Variants in COL9A3 observed in about 807,000 individuals in gnomAD.
COL9A3 encodes the protein collagen type IX alpha 3 chain.
A neutral mutation model predicts 110.2 loss-of-function variants in COL9A3; 82 were observed. The ratio of observed to expected loss-of-function variants is 0.74; its 90% CI spans 0.62 to 0.89. The LOEUF (loss-of-function observed/expected upper bound fraction) is 0.89, where lower values mean the gene tolerates loss of function less well. COL9A3 is among the 40% of genes least tolerant of loss of function. The pLI is 0.00. For missense variants in COL9A3, 1,066 were observed against 981.3 expected (o/e 1.09, Z -1.15); for synonymous variants, 494 against 403.8 (o/e 1.22, Z -2.68).
chr20:62,818,987 C>A (rs1275590168), intron 3 of COL9A3, among the ~76,000 whole-genome samples: 1 of 152,204 alleles, frequency 6.6e-6, no homozygotes. Context: ...GAAGGTCTTA[C>A]AGATGCCACT....
rs535230112 is a variant in COL9A3, at chr20:62,837,128, C to T, written c.1649C>T (p.Pro550Leu). 3.8e-5 allele frequency: 61 copies of T among 1,613,490 alleles called. No homozygotes were observed. In the East Asian group the frequency reaches 1.4e-3, roughly 36 times the overall value. Residue 550 changes from proline (P) to leucine (L), a missense_variant, in exon 30 of 32, where the codon CCC becomes CTC. Physicochemically the swap from Pro to Leu is moderately conservative, Grantham distance 98 (BLOSUM62 -3). Transcript: ENST00000649368. ...LAAHLRKPLA[P>L]GSIGRPGPAG... The stretch of plus-strand genomic sequence containing the variant: ...GCGCACCTAAGGAAGCCTTTGGCAC[C>T]CGGGTCCATTGGTCGGCCCGGTCCA...
At chr20:62,821,410 G>A (rs2063511971) in intron 6 of COL9A3, 97 bp from the exon 7 acceptor site, 5 of 1,533,298 alleles carry the variant, frequency 3.3e-6, no homozygotes, top group East Asian at 4.5e-5. Context: ...CCCTGGAACC[G>A]CCCTTTCCCC....
chr20:62,834,336 C>T (rs2063619101), intron 26 of COL9A3, among the ~76,000 whole-genome samples: 1 of 152,188 alleles, frequency 6.6e-6, no homozygotes. Flanking sequence ...CTGAAGAAAA[C>T]TCCACTTCCA....
chr20:62,830,659 T>TCCCTACCACA (rs1568759180), intron 24 of COL9A3, 71 bp downstream of exon 24: 1 of 285,098 alleles, frequency 3.5e-6, no homozygotes, highest in African/African-American at 1.1e-4. Context: ...CCCACCCCCA[T>TCCCTACCACA]GACAGTCCCC....
At chr20:62,821,381 G>A in intron 6 of COL9A3, 126 bp from the exon 7 acceptor site, 4 of 1,412,726 alleles carry the variant, frequency 2.8e-6, no homozygotes, top group Non-Finnish European at 4.0e-6. Flanking sequence ...CCCTCTCTGG[G>A]CTGGGACCAG....
chr20:62,829,748 T>A lies in COL9A3; in HGVS notation c.1108-18T>A, dbSNP rs2063581306. The A allele has an allele frequency of 1.3e-6, 2 of 1,591,914 alleles. No homozygotes were observed. The highest frequency in any genetic ancestry group is 1.7e-6 in the Non-Finnish European group (2 of 1,169,716). On this transcript the variant is annotated intron_variant, in intron 21 of 31. Coordinates refer to ENST00000649368, the MANE Select transcript of COL9A3 (RefSeq NM_001853.4). ...GTGTGCAGACCCTGCCCTGACACCCTCCTTCCTTTCCCTGTAGGGAGATGC... is the reference window on the plus strand; with the variant it reads ...GTGTGCAGACCCTGCCCTGACACCCACCTTCCTTTCCCTGTAGGGAGATGC...
intron 5 of COL9A3, 63 bp downstream of exon 5, chr20:62,820,045 G>C: frequency 6.4e-7 from 1 of 1,556,442 alleles, no homozygotes; most frequent in Non-Finnish European, 8.8e-7. Context: ...GCCACCTCTG[G>C]CTGCTCTGTG....
chr20:62,827,740 G>A (rs2063565322), intron 16 of COL9A3, among the ~76,000 whole-genome samples, 183 bp from the exon 17 acceptor site: 1 of 152,242 alleles, frequency 6.6e-6, no homozygotes, highest in Non-Finnish European at 1.5e-5. Flanking sequence ...GTGCCGTCCT[G>A]CAGCATCTGT....
intron 15 of COL9A3, 56 bp downstream of exon 15, chr20:62,826,876 C>T: frequency 3.2e-6 from 5 of 1,574,980 alleles, no homozygotes; most frequent in Non-Finnish European, 2.6e-6. Context: ...TCCCCTTTCC[C>T]TCTGCTCCTC....
intron 26 of COL9A3, among the ~76,000 whole-genome samples, chr20:62,834,806 C>G (rs1463064706): frequency 1.3e-5 from 2 of 152,110 alleles, no homozygotes; most frequent in Non-Finnish European, 2.9e-5. Flanking sequence ...TCACACCCGG[C>G]TAATTTTTGT....
upstream of COL9A3, chr20:62,816,427 C>T (rs1478999951): frequency 6.6e-6 from 1 of 152,280 alleles, no homozygotes; most frequent in Non-Finnish European, 1.5e-5. Flanking sequence ...GGTTTGGAGT[C>T]TGGTCTTAGC....
At chr20:62,820,775 G>A (rs772194773) in intron 5 of COL9A3, among the ~76,000 whole-genome samples, 5 of 152,130 alleles carry the variant, frequency 3.3e-5, no homozygotes, top group Non-Finnish European at 7.4e-5. Flanking sequence ...GGCCAGACAG[G>A]GCCCAGAGGG....
At chr20:62,829,552 G>A in intron 20 of COL9A3, 53 bp downstream of exon 20, 1 of 1,551,964 alleles carries the variant, frequency 6.4e-7, no homozygotes, top group South Asian at 1.1e-5. Context: ...GGGCCGGGAG[G>A]CAAGGGGCTG....
Position 62,840,962 on chromosome 20 carries a change from A to G in COL9A3, c.*230A>G, listed in dbSNP as rs1257900479. ...TAAACCTGTAAGCCCAGCATTTGAG[A>G]GAAGGTAGGGTGTGTATATATAAAA... On this transcript the variant is annotated 3_prime_UTR_variant, in exon 32 of 32. Coordinates refer to ENST00000649368, the MANE Select transcript of COL9A3 (RefSeq NM_001853.4). 2 of 565,468 alleles carry G rather than the reference A, an allele frequency of 3.5e-6. No individual in the cohort carries two copies. The highest frequency in any genetic ancestry group is 4.8e-4 in the Middle Eastern group (1 of 2,082). The allele number at this position is 565,468 out of a possible 1,614,324, so 35.0% of individuals were successfully genotyped here.
chr20:62,825,526 A>T (rs2063545492), intron 12 of COL9A3: 1 of 543,046 alleles, frequency 1.8e-6, no homozygotes, highest in East Asian at 3.1e-5. Flanking sequence ...AGGAGACCCC[A>T]GGTGCACATC....
rs1326300909 is a variant in COL9A3 at position 62,824,179 on chromosome 20, C to T, written c.520-266C>T. The stretch of plus-strand genomic sequence containing the variant: ...TGGGGTCCTGTCACCCAGAGTGTCC[C>T]GACACCCGCGCGGAGTGGCCTCCCG... On this transcript the variant is annotated intron_variant, in intron 10 of 31. Transcript: ENST00000649368. Among the ~76,000 whole-genome samples, 6 of 118,672 alleles carry T rather than the reference C, an allele frequency of 5.1e-5. 1 individual carries two copies. The highest frequency in any genetic ancestry group is 9.1e-5 in the African/African-American group (3 of 33,080). The allele number at this position is 118,672 out of a possible 152,430, so 77.9% of individuals were successfully genotyped here.
At chr20:62,817,413 G>C (rs1481902039) in intron 1 of COL9A3, 154 bp from the exon 2 acceptor site, 1 of 596,854 alleles carries the variant, frequency 1.7e-6, no homozygotes, top group Non-Finnish European at 2.9e-6. Context: ...GACACACTGC[G>C]CGGGGGCGCC....
Position 62,829,651 on chromosome 20 carries a change from G to A in COL9A3, c.1077G>A (p.Glu359=). The change falls in exon 21 of 32, where the codon GAG becomes GAA. Residue 359 remains glutamate, a synonymous_variant. Coordinates refer to ENST00000649368, the MANE Select transcript of COL9A3 (RefSeq NM_001853.4). ...GERGRAGELG[E]AGPSGEPGVP... ...AGGGCAGAGCTGGGGAGCTGGGTGAGGCCGGCCCCTCTGGAGAGCCAGGCG... is the reference window on the plus strand; with the variant it reads ...AGGGCAGAGCTGGGGAGCTGGGTGAAGCCGGCCCCTCTGGAGAGCCAGGCG... The A allele has an allele frequency of 6.2e-7, 1 of 1,609,762 alleles. No homozygotes were observed. The highest frequency in any genetic ancestry group is 8.5e-7 in the Non-Finnish European group (1 of 1,178,832).
intron 16 of COL9A3, among the ~76,000 whole-genome samples, 153 bp from the exon 17 acceptor site, chr20:62,827,770 T>C (rs2063565450): frequency 6.6e-6 from 1 of 152,150 alleles, no homozygotes; most frequent in Non-Finnish European, 1.5e-5. Context: ...CACAGTTTTC[T>C]CCACGCACCC....
Sources: gnomAD v4.1 joint callset for allele counts (sites outside exome capture counted in the v4.1 genomes callset) on GRCh38, gnomAD v4.1.1 for gene constraint, MANE v1.5 for transcripts, NCBI Gene and HGNC (gene_info 2026-07-23, HGNC 2026-07-21) for gene names.